Variants in CCDC63 observed in about 807,000 individuals in gnomAD.
CCDC63 encodes coiled-coil domain containing 63.
CCDC63 carries 54 observed loss-of-function variants against 63.6 expected under a neutral mutation model. That is an observed-to-expected ratio of 0.85 (90% CI 0.68 to 1.07). The LOEUF (loss-of-function observed/expected upper bound fraction) is 1.07. Among genes scored for constraint, CCDC63 ranks in the 50% least tolerant of loss-of-function variants. CCDC63 has a pLI of 0.00. For synonymous variants in CCDC63, 253 were observed against 266.1 expected (o/e 0.95, Z 0.48); for missense variants, 637 against 689.6 (o/e 0.92, Z 0.86).
intron 7 of CCDC63, among the ~76,000 whole-genome samples, chr12:110,882,866 A>G (rs747540024): frequency 6.6e-6 from 1 of 151,586 alleles, no homozygotes; most frequent in Non-Finnish European, 1.5e-5. Flanking sequence ...TTATTTATTT[A>G]TTTATTTTTA....
At chr12:110,898,477 G>T (rs1045107802) in intron 9 of CCDC63, among the ~76,000 whole-genome samples, 1 of 151,586 alleles carries the variant, frequency 6.6e-6, no homozygotes, top group African/African-American at 2.4e-5. Flanking sequence ...AGTTAGCTGG[G>T]CATGGTGGCA....
Position 110,897,641 on chromosome 12 carries a change from A to G in CCDC63, c.1150-1292A>G, listed in dbSNP as rs1389250762. Among the ~76,000 whole-genome samples the G allele has an allele frequency of 2.0e-5, 3 of 151,574 alleles. No individual in the cohort carries two copies. The East Asian group carries it at 5.8e-4, about 29-fold the overall frequency. On this transcript the variant is annotated intron_variant, in intron 9 of 11. Coordinates refer to ENST00000308208, the MANE Select transcript of CCDC63 (RefSeq NM_152591.3). ...ATTTGTGAAATTTTATATTCATTTGATTAGATAATATGGATAAATCTACAT... is the reference window on the plus strand; with the variant it reads ...ATTTGTGAAATTTTATATTCATTTGGTTAGATAATATGGATAAATCTACAT...
At chr12:110,898,557 G>A (rs1262037319) in intron 9 of CCDC63, among the ~76,000 whole-genome samples, 2 of 150,188 alleles carry the variant, frequency 1.3e-5, no homozygotes, top group Non-Finnish European at 2.9e-5. Flanking sequence ...GGCAGAGGTT[G>A]CAGTGAGCTG....
intron 4 of CCDC63, among the ~76,000 whole-genome samples, chr12:110,869,610 C>G (rs1271300313): frequency 6.6e-6 from 1 of 152,126 alleles, no homozygotes; most frequent in Non-Finnish European, 1.5e-5. Context: ...GTTATGCACA[C>G]TGCTAGCAGT....
At chr12:110,852,820 G>T in intron 1 of CCDC63, 39 bp from the exon 2 acceptor site, 1 of 1,395,874 alleles carries the variant, frequency 7.2e-7, no homozygotes, top group Non-Finnish European at 1.0e-6. Flanking sequence ...CCCAGCAGGG[G>T]TGGCTTACAA....
chr12:110,854,580 C>T (rs1012511117), intron 3 of CCDC63, among the ~76,000 whole-genome samples: 8 of 152,082 alleles, frequency 5.3e-5, no homozygotes, highest in African/African-American at 1.9e-4. Flanking sequence ...CAGGTGTGAG[C>T]CACCATGCCC....
chr12:110,904,744 T>TC lies in CCDC63; in HGVS notation c.1505dup (p.Val503SerfsTer5). The TC allele has an allele frequency of 6.2e-7, 1 of 1,613,520 alleles. No homozygotes were observed. The highest frequency in any genetic ancestry group is 1.1e-5 in the South Asian group (1 of 91,036). On this transcript the variant is annotated frameshift_variant, in exon 11 of 12. Transcript: ENST00000308208. LOFTEE classifies it low-confidence loss of function (END_TRUNC). The stretch of plus-strand genomic sequence containing the variant: ...AAGCCCCCAGAACCCATCAAAGTCA[T>TC]CCCCCCAGTGCTGGGGGCTGACCCC...
At position 110,881,205 on chromosome 12, in the gene CCDC63, T is replaced by C; in HGVS notation, c.762T>C (p.Arg254=). The C allele has an allele frequency of 1.2e-6, 2 of 1,613,712 alleles. No homozygotes were observed. Among genetic ancestry groups the C allele is most frequent in the Non-Finnish European group, 1.7e-6 (2 of 1,179,974 alleles). The change falls in exon 7 of 12, where the codon CGT becomes CGC. Residue 254 remains arginine, a synonymous_variant. Transcript: ENST00000308208. Reference sequence around the variant, plus strand: ...ACCTGGAGATCCGAGAGCTGGAGCGTCTCTATGCCCATGAGAGCAAGCTCA... The same window carrying C: ...ACCTGGAGATCCGAGAGCTGGAGCGCCTCTATGCCCATGAGAGCAAGCTCA... ...QYNLEIRELE[R]LYAHESKLKS...
intron 8 of CCDC63, among the ~76,000 whole-genome samples, chr12:110,891,463 C>A (rs1174607421): frequency 6.6e-6 from 1 of 151,782 alleles, no homozygotes; most frequent in Non-Finnish European, 1.5e-5. Context: ...CCAGCCTGGG[C>A]AACATAGTGA....
At chr12:110,893,952 C>T (rs956822896) in intron 9 of CCDC63, among the ~76,000 whole-genome samples, 2 of 145,494 alleles carry the variant, frequency 1.4e-5, no homozygotes, top group African/African-American at 2.6e-5. Context: ...GAGCCGAGAT[C>T]GTGTCACTGC....
At chr12:110,858,149 AAATAAAATAAAAAAT>A (rs2070801875) in intron 3 of CCDC63, among the ~76,000 whole-genome samples, 1 of 142,522 alleles carries the variant, frequency 7.0e-6, no homozygotes, top group Non-Finnish European at 1.6e-5. Context: ...AAATAAAATA[AAATAAAATAAAAAAT>A]AAAATAAATA....
chr12:110,888,141 C>T (rs1397191514), intron 8 of CCDC63, among the ~76,000 whole-genome samples: 5 of 152,102 alleles, frequency 3.3e-5, no homozygotes, highest in Admixed American at 1.3e-4. Context: ...GCCCGCAGAG[C>T]TTAGCGGGCC....
intron 10 of CCDC63, 113 bp from the exon 11 acceptor site, chr12:110,904,475 G>A (rs1325562758): frequency 4.7e-6 from 4 of 846,950 alleles, no homozygotes; most frequent in African/African-American, 1.7e-5. Flanking sequence ...CCCAGATCCC[G>A]CACCTCCTGT....
At position 110,858,709 on chromosome 12, in the gene CCDC63, A is replaced by G; in HGVS notation, c.303A>G (p.Gln101=). The G allele has an allele frequency of 1.2e-6, 2 of 1,614,082 alleles. No individual in the cohort carries two copies. Among genetic ancestry groups the G allele is most frequent in the Non-Finnish European group, 1.7e-6 (2 of 1,180,014 alleles). The change falls in exon 4 of 12, where the codon CAA becomes CAG. Residue 101 remains glutamine (Q), a synonymous_variant. Transcript: ENST00000308208. ...KNYMELRLLL[Q]TKEDYEALIK... Reference sequence around the variant, plus strand: ...ACATGGAGCTGCGACTCCTGCTCCAAACTAAGGAGGACTATGAGGCATTGA... The same window carrying G: ...ACATGGAGCTGCGACTCCTGCTCCAGACTAAGGAGGACTATGAGGCATTGA...
At chr12:110,866,472 G>T (rs992237981) in intron 4 of CCDC63, among the ~76,000 whole-genome samples, 4 of 143,958 alleles carry the variant, frequency 2.8e-5, no homozygotes, top group African/African-American at 1.0e-4. Context: ...GCGGCCTTCC[G>T]CAGTGTTTGT....
chr12:110,896,198 T>C (rs2071413439), intron 9 of CCDC63, among the ~76,000 whole-genome samples: 1 of 152,162 alleles, frequency 6.6e-6, no homozygotes, highest in Non-Finnish European at 1.5e-5. Context: ...TGGAGTGCAG[T>C]GGTGGGATCA....
In CCDC63 at chr12:110,852,890, G is replaced by A; in HGVS notation, c.-65G>A. The A allele has an allele frequency of 6.2e-7, 1 of 1,613,494 alleles. No individual in the cohort carries two copies. The highest frequency in any genetic ancestry group is 8.5e-7 in the Non-Finnish European group (1 of 1,179,500). On this transcript the variant is annotated 5_prime_UTR_variant, in exon 2 of 12. Transcript: ENST00000308208. ...GCAGAGAGACAGAGAGAGAGAGGAA[G>A]GCTCACTGGCTTTGAGCTCTCTGGG... is the stretch of plus-strand genomic sequence containing the variant.
In CCDC63 at chr12:110,904,718, C is replaced by A; in HGVS notation, c.1473C>A (p.Leu491=). ...CTTTCTGGGGTGGCTCTGCCCTCCT[C>A]AAGCCCCCAGAACCCATCAAAGTCA... ...INPFWGGSAL[L]KPPEPIKVIP... is the part of the protein sequence containing the mutation. The change falls in exon 11 of 12, where the codon CTC becomes CTA. Residue 491 remains leucine (L), a synonymous_variant. Coordinates refer to ENST00000308208, the MANE Select transcript of CCDC63 (RefSeq NM_152591.3). The A allele has an allele frequency of 6.2e-7, 1 of 1,614,100 alleles. No homozygotes were observed. The highest frequency in any genetic ancestry group is 8.5e-7 in the Non-Finnish European group (1 of 1,179,992).
chr12:110,875,169 A>G (rs1297122261), intron 5 of CCDC63, among the ~76,000 whole-genome samples: 1 of 152,162 alleles, frequency 6.6e-6, no homozygotes, highest in Non-Finnish European at 1.5e-5. Context: ...TTTAATATCC[A>G]TGCCCAGTGA....
Sources: gnomAD v4.1 joint callset for allele counts (sites outside exome capture counted in the v4.1 genomes callset) on GRCh38, gnomAD v4.1.1 for gene constraint, MANE v1.5 for transcripts, NCBI Gene and HGNC (gene_info 2026-07-23, HGNC 2026-07-21) for gene names.